VAT1L: variants seen among roughly 807,000 people sequenced by gnomAD.
The protein encoded by VAT1L is vesicle amine transport 1 like.
Under a neutral mutation model 44.1 loss-of-function variants are expected in VAT1L, and 34 were observed. The observed-to-expected ratio is 0.77, with a 90% CI of 0.59 to 1.03. The LOEUF (loss-of-function observed/expected upper bound fraction) is 1.03. Ranked by LOEUF, VAT1L falls within the 50% of genes least tolerant of loss-of-function variation. The pLI, the probability that VAT1L is intolerant of heterozygous loss-of-function variation, is 0.00. For synonymous variants in VAT1L, 253 were observed against 202.2 expected (o/e 1.25, Z -2.13); for missense variants, 615 against 538.8 (o/e 1.14, Z -1.40).
At chr16:77,814,840 C>G (rs1476973978) in intron 1 of VAT1L, among the ~76,000 whole-genome samples, 3 of 152,170 alleles carry the variant, frequency 2.0e-5, no homozygotes, top group Non-Finnish European at 4.4e-5. Context: ...TGTTTTTAAC[C>G]CTTTTTTTAC....
intron 7 of VAT1L, among the ~76,000 whole-genome samples, chr16:77,970,305 A>G (rs1478545167): frequency 6.6e-6 from 1 of 152,162 alleles, no homozygotes; most frequent in Non-Finnish European, 1.5e-5. Flanking sequence ...CATTTATATT[A>G]AATACTGATT....
At position 77,825,584 on chromosome 16, in the gene VAT1L, A is replaced by G. The variant is rs556849858; in HGVS notation, c.579+123A>G. On this transcript the variant is annotated intron_variant, in intron 3 of 8. Transcript: ENST00000302536. ...GGAATCATCACTATGGTTCTGGTAG[A>G]GTTCACATGGACAGCAAAGCCCATA... is the stretch of plus-strand genomic sequence containing the variant. 2.0e-5 allele frequency: 23 copies of G among 1,132,678 alleles called. 1 individual carries two copies. The South Asian group carries it at 3.4e-4, about 17-fold the overall frequency. The allele number at this position is 1,132,678 out of a possible 1,614,324, so 70.2% of individuals were successfully genotyped here. A position where few individuals can be genotyped will look rare whatever the true frequency, so the allele number is the denominator to read the frequency against.
At chr16:77,969,233 T>C (rs554112039) in intron 7 of VAT1L, among the ~76,000 whole-genome samples, 2 of 152,308 alleles carry the variant, frequency 1.3e-5, no homozygotes, top group South Asian at 4.2e-4. Context: ...ATCAATCTGT[T>C]CCCTTAACCG....
Position 77,788,585 on chromosome 16 carries a change from CA to C in VAT1L, c.-97del. 7.3e-7 allele frequency: 1 copy of C among 1,375,570 alleles called. No homozygotes were observed. Among genetic ancestry groups the C allele is most frequent in the Non-Finnish European group, 9.9e-7 (1 of 1,008,376 alleles). 85.2% of individuals were successfully genotyped at this position (1,375,570 alleles called of 1,614,324 possible). ...AGCCATTGCACAGCCGAGCATCCCA[CA>C]TTCAACAGGAGGAACCCGCGGGAGA... On this transcript the variant is annotated 5_prime_UTR_variant, in exon 1 of 9. Transcript: ENST00000302536.
At position 77,950,409 on chromosome 16, in the gene VAT1L, AACACAC is replaced by A. The variant is rs61168492; in HGVS notation, c.1078-21399_1078-21394del. Among the ~76,000 whole-genome samples the A allele has an allele frequency of 4.6e-3, 606 of 131,480 alleles. 6 individuals carry two copies. Among genetic ancestry groups the A allele is most frequent in the East Asian group, 0.014 (61 of 4,256 alleles). 86.3% of individuals were successfully genotyped at this position (131,480 alleles called of 152,430 possible). A position where few individuals can be genotyped will look rare whatever the true frequency, so the allele number is the denominator to read the frequency against. On this transcript the variant is annotated intron_variant, in intron 7 of 8. Transcript: ENST00000302536. Reference sequence around the variant, plus strand: ...GGGCGACAGAGCAAGATTCCATCTAAACACACACACACACACACACACACACACACA... The same window carrying A: ...GGGCGACAGAGCAAGATTCCATCTAAACACACACACACACACACACACACA...
chr16:77,855,335 A>G (rs946612031), intron 3 of VAT1L, among the ~76,000 whole-genome samples: 3 of 148,618 alleles, frequency 2.0e-5, no homozygotes, highest in African/African-American at 5.1e-5. Context: ...GCGAGACTCC[A>G]TCTCAGAAAA....
intron 7 of VAT1L, among the ~76,000 whole-genome samples, chr16:77,898,767 C>A (rs189005410): frequency 1.4e-4 from 21 of 152,320 alleles, no homozygotes; most frequent in Non-Finnish European, 2.5e-4. Flanking sequence ...GTGCTGCAAA[C>A]AGGCTTACCA....
intron 7 of VAT1L, among the ~76,000 whole-genome samples, chr16:77,905,386 C>T (rs1432233788): frequency 6.6e-6 from 1 of 152,068 alleles, no homozygotes; most frequent in East Asian, 1.9e-4. Flanking sequence ...TGCCGAGATT[C>T]CAACCTTACT....
At chr16:77,851,745 T>A (rs1262715470) in intron 3 of VAT1L, among the ~76,000 whole-genome samples, 1 of 152,122 alleles carries the variant, frequency 6.6e-6, no homozygotes, top group East Asian at 1.9e-4. Context: ...GCTAACCTGT[T>A]TGCATGTGAG....
At chr16:77,932,166 C>T (rs1286885782) in intron 7 of VAT1L, among the ~76,000 whole-genome samples, 9 of 141,538 alleles carry the variant, frequency 6.4e-5, no homozygotes, top group Admixed American at 4.5e-4. Context: ...TACAGTGGTG[C>T]GATCTTGGAT....
At chr16:77,937,605 G>C (rs1446192723) in intron 7 of VAT1L, among the ~76,000 whole-genome samples, 1 of 152,228 alleles carries the variant, frequency 6.6e-6, no homozygotes, top group Non-Finnish European at 1.5e-5. Flanking sequence ...TAGAAAGGGA[G>C]CTGGAACTTA....
intron 3 of VAT1L, among the ~76,000 whole-genome samples, chr16:77,860,555 G>A (rs982717798): frequency 6.6e-6 from 1 of 152,164 alleles, no homozygotes; most frequent in Non-Finnish European, 1.5e-5. Flanking sequence ...GGGAATACAG[G>A]GAGACTGGAA....
intron 2 of VAT1L, 44 bp from the exon 3 acceptor site, chr16:77,825,202 G>A (rs1350595109): frequency 1.2e-6 from 2 of 1,606,942 alleles, no homozygotes; most frequent in Non-Finnish European, 1.7e-6. Flanking sequence ...TTGAGCCTCT[G>A]TCATGAGGTA....
intron 7 of VAT1L, among the ~76,000 whole-genome samples, chr16:77,886,451 A>C (rs879408486): frequency 5.9e-5 from 9 of 152,182 alleles, no homozygotes; most frequent in Admixed American, 2.0e-4. Context: ...GGACCCAACA[A>C]ATCTGGTAAC....
At chr16:77,791,287 T>C (rs148952234) in intron 1 of VAT1L, among the ~76,000 whole-genome samples, 1 of 152,158 alleles carries the variant, frequency 6.6e-6, no homozygotes, top group Non-Finnish European at 1.5e-5. Flanking sequence ...CTATTTTTAA[T>C]AGAAACCTTT....
chr16:77,917,558 A>G (rs1368738888), intron 7 of VAT1L, among the ~76,000 whole-genome samples: 3 of 152,188 alleles, frequency 2.0e-5, no homozygotes, highest in Non-Finnish European at 4.4e-5. Flanking sequence ...AGAATAAACC[A>G]TAGTTTCTTT....
intron 7 of VAT1L, among the ~76,000 whole-genome samples, chr16:77,895,123 C>CACACACACACACACA (rs1444617616): frequency 1.3e-5 from 2 of 151,780 alleles, no homozygotes; most frequent in African/African-American, 4.8e-5. Flanking sequence ...CACACTCACA[C>CACACACACACACACA]ATTTCCGATT....
chr16:77,934,618 T>C (rs1319842730), intron 7 of VAT1L, among the ~76,000 whole-genome samples: 1 of 152,170 alleles, frequency 6.6e-6, no homozygotes, highest in Non-Finnish European at 1.5e-5. Context: ...TCTGTAGTAA[T>C]TTGTTATAGG....
At chr16:77,855,364 A>G (rs1024358363) in intron 3 of VAT1L, among the ~76,000 whole-genome samples, 3 of 151,690 alleles carry the variant, frequency 2.0e-5, no homozygotes, top group Non-Finnish European at 4.4e-5. Flanking sequence ...AAAAAGTGAA[A>G]TCAAGGCACA....
Sources: gnomAD v4.1 joint callset for allele counts (sites outside exome capture counted in the v4.1 genomes callset) on GRCh38, gnomAD v4.1.1 for gene constraint, MANE v1.5 for transcripts, NCBI Gene and HGNC (gene_info 2026-07-23, HGNC 2026-07-21) for gene names.